Variants in DCC observed in about 807,000 individuals in gnomAD.
DCC encodes the protein netrin receptor DCC.
Under a neutral mutation model 172.5 loss-of-function variants are expected in DCC, and 58 were observed. The observed-to-expected ratio is 0.34, with a 90% CI of 0.27 to 0.42. The LOEUF (loss-of-function observed/expected upper bound fraction) is 0.42, where lower values mean the gene tolerates loss of function less well. Ranked by LOEUF, DCC falls within the 10% of genes least tolerant of loss-of-function variation. The pLI, the probability that DCC is intolerant of heterozygous loss-of-function variation, is 1.00. For missense variants in DCC, 1,740 were observed against 1,791.0 expected (o/e 0.97, Z 0.51); for synonymous variants, 709 against 644.5 (o/e 1.10, Z -1.52).
chr18:53,257,758 A>G lies in DCC; in HGVS notation c.1911+42161A>G, dbSNP rs567226757. 7.2e-5 allele frequency among the ~76,000 whole-genome samples: 11 copies of G among 152,110 alleles called. No homozygotes were observed. The East Asian group carries it at 1.5e-3, about 21-fold the overall frequency. On this transcript the variant is annotated intron_variant, in intron 12 of 28. Coordinates refer to ENST00000442544, the MANE Select transcript of DCC (RefSeq NM_005215.4). ...GTTAGGGAGGATTCCCTCTTTTTCT[A>G]TTGATTGGAATAATTTCAGAAGGAA...
chr18:53,070,899 G>A (rs371836185), intron 7 of DCC, among the ~76,000 whole-genome samples: 211 of 152,276 alleles, frequency 1.4e-3, no homozygotes, highest in African/African-American at 4.6e-3. Context: ...AGCACAGGCC[G>A]CGTGCACAGA....
intron 1 of DCC, among the ~76,000 whole-genome samples, chr18:52,678,662 G>A (rs1471225209): frequency 3.3e-5 from 5 of 152,140 alleles, no homozygotes; most frequent in Non-Finnish European, 5.9e-5. Flanking sequence ...ATCTCTGTGT[G>A]TTTACAAAGA....
At chr18:53,507,120 G>A (rs1389537162) in intron 27 of DCC, among the ~76,000 whole-genome samples, 2 of 152,112 alleles carry the variant, frequency 1.3e-5, no homozygotes, top group Non-Finnish European at 2.9e-5. Context: ...TAAGAGAAAG[G>A]TTTTAATTTG....
chr18:53,461,458 A>G (rs962103682), intron 24 of DCC, among the ~76,000 whole-genome samples: 22 of 152,196 alleles, frequency 1.4e-4, no homozygotes, highest in African/African-American at 4.6e-4. Context: ...TGATTTTTGT[A>G]TAAGGTGTAA....
At chr18:52,955,446 C>A (rs1468230678) in intron 5 of DCC, among the ~76,000 whole-genome samples, 2 of 151,758 alleles carry the variant, frequency 1.3e-5, no homozygotes, top group African/African-American at 4.8e-5. Flanking sequence ...TATTCATTTA[C>A]CTATCGAGGG....
intron 15 of DCC, among the ~76,000 whole-genome samples, chr18:53,362,481 T>C (rs983740964): frequency 3.9e-5 from 6 of 152,192 alleles, no homozygotes; most frequent in African/African-American, 1.4e-4. Context: ...CGCTGTGTCC[T>C]GCTTTCCTCC....
chr18:52,958,026 C>T (rs2040775139), intron 5 of DCC, among the ~76,000 whole-genome samples: 1 of 152,076 alleles, frequency 6.6e-6, no homozygotes, highest in East Asian at 1.9e-4. Context: ...CTATAATCTC[C>T]TGAATTAGAA....
At chr18:53,476,607 A>G (rs932398768) in intron 25 of DCC, among the ~76,000 whole-genome samples, 1 of 151,970 alleles carries the variant, frequency 6.6e-6, no homozygotes, top group Non-Finnish European at 1.5e-5. Flanking sequence ...TAAACCTCTT[A>G]TTTATTTATT....
At chr18:53,338,321 T>C (rs1233862490) in intron 14 of DCC, among the ~76,000 whole-genome samples, 1 of 152,168 alleles carries the variant, frequency 6.6e-6, no homozygotes, top group Non-Finnish European at 1.5e-5. Flanking sequence ...ATTTATTAAT[T>C]GGCTGGGCAC....
At chr18:53,257,528 G>A (rs371821298) in intron 12 of DCC, among the ~76,000 whole-genome samples, 5 of 152,118 alleles carry the variant, frequency 3.3e-5, no homozygotes, top group African/African-American at 7.2e-5. Context: ...TGATTTGCGT[G>A]TGTTGAACCA....
chr18:53,022,832 G>C (rs79648728), intron 5 of DCC, among the ~76,000 whole-genome samples: 3,084 of 151,614 alleles, frequency 0.02, 42 homozygotes, highest in Non-Finnish European at 0.032. Flanking sequence ...AAAAAATCCT[G>C]AAAATGAAAA....
intron 2 of DCC, among the ~76,000 whole-genome samples, chr18:52,829,935 T>A (rs1008121589): frequency 6.6e-5 from 10 of 152,068 alleles, no homozygotes; most frequent in Non-Finnish European, 1.2e-4. Flanking sequence ...AATATTGTGG[T>A]CAGGGAAGCA....
At chr18:52,803,008 G>T (rs2038022577) in intron 2 of DCC, among the ~76,000 whole-genome samples, 1 of 152,064 alleles carries the variant, frequency 6.6e-6, no homozygotes, top group South Asian at 2.1e-4. Context: ...AATACTGTAG[G>T]TTTATATCAT....
chr18:52,630,907 C>T (rs1448617504), intron 1 of DCC, among the ~76,000 whole-genome samples: 1 of 152,158 alleles, frequency 6.6e-6, no homozygotes, highest in Non-Finnish European at 1.5e-5. Context: ...AATCCTCTTA[C>T]CAATATTCTA....
At chr18:52,601,022 T>A (rs2034007187) in intron 1 of DCC, among the ~76,000 whole-genome samples, 1 of 152,090 alleles carries the variant, frequency 6.6e-6, no homozygotes, top group African/African-American at 2.4e-5. Context: ...AAAAGGACTT[T>A]TACATGTGGG....
intron 1 of DCC, among the ~76,000 whole-genome samples, chr18:52,698,917 A>G (rs2036058309): frequency 6.6e-6 from 1 of 152,018 alleles, no homozygotes; most frequent in African/African-American, 2.4e-5. Context: ...CCAAGATGAG[A>G]GTCTTAAAAA....
intron 7 of DCC, among the ~76,000 whole-genome samples, chr18:53,089,333 A>G (rs2042968276): frequency 6.6e-6 from 1 of 151,524 alleles, no homozygotes; most frequent in Non-Finnish European, 1.5e-5. Context: ...TGATCTTCCC[A>G]CCTCGGCCTC....
At chr18:52,425,200 A>C (rs1987383134) in intron 1 of DCC, among the ~76,000 whole-genome samples, 1 of 152,186 alleles carries the variant, frequency 6.6e-6, no homozygotes, top group Non-Finnish European at 1.5e-5. Flanking sequence ...TACACTGGCA[A>C]AACTCATGTA....
chr18:53,526,692 C>T lies in DCC; in HGVS notation c.4187C>T (p.Pro1396Leu). Residue 1396 changes from proline (P) to leucine (L), a missense_variant, in exon 28 of 29, where the codon CCT becomes CTT. Transcript: ENST00000442544. ...GGAAAAGCAAGATCCCCTTTGCTTC[C>T]TGTGTCTGTGCCAACAGCCCCTGAA... Reference protein sequence around the residue: ...LAGKARSPLLPVSVPTAPEVS... With the variant: ...LAGKARSPLLLVSVPTAPEVS... 6.2e-7 allele frequency: 1 copy of T among 1,613,568 alleles called. No individual in the cohort carries two copies. Among genetic ancestry groups the T allele is most frequent in the Non-Finnish European group, 8.5e-7 (1 of 1,179,674 alleles).
Sources: allele counts gnomAD v4.1 joint callset (sites outside exome capture counted in the v4.1 genomes callset), GRCh38; gene constraint gnomAD v4.1.1; transcripts MANE v1.5; gene names NCBI Gene and HGNC (gene_info 2026-07-23, HGNC 2026-07-21).